The following DEUP1 variants were observed in gnomAD, a reference collection of about 807,000 sequenced individuals.
DEUP1 encodes the protein coiled-coil domain containing 67.
A neutral mutation model predicts 87.4 loss-of-function variants in DEUP1; 82 were observed. That is an observed-to-expected ratio of 0.94 (90% CI 0.78 to 1.13). DEUP1 has a LOEUF of 1.13. Ranked by LOEUF, DEUP1 falls within the 50% of genes most tolerant of loss-of-function variation. The pLI is 0.00. For missense variants in DEUP1, 663 were observed against 681.5 expected (o/e 0.97, Z 0.30); for synonymous variants, 214 against 222.7 (o/e 0.96, Z 0.35).
At chr11:93,392,951 TCCTCTTCCTCCTCCTCTTCC>T (rs1331994085) in intron 9 of DEUP1, among the ~76,000 whole-genome samples, 1 of 103,078 alleles carries the variant, frequency 9.7e-6, no homozygotes, top group East Asian at 3.4e-4. Flanking sequence ...TCCTCCTCCC[TCCTCTTCCTCCTCCTCTTCC>T]TCCTCCTCCG....
At position 93,372,118 on chromosome 11, in the gene DEUP1, CG is replaced by C. The variant is rs1945764792; in HGVS notation, c.789+842del. ...TAATTTTTTGTATTTTTAGTAGAGA[CG>C]GGGTTTCACCGTTTTAGCCGGGATG... On this transcript the variant is annotated intron_variant, in intron 7 of 13. Transcript: ENST00000298050. Among the ~76,000 whole-genome samples the C allele has an allele frequency of 7.9e-5, 12 of 151,738 alleles. No homozygotes were observed. The South Asian group carries it at 2.3e-3, about 29-fold the overall frequency.
At chr11:93,363,546 A>G (rs1318942268) in intron 4 of DEUP1, among the ~76,000 whole-genome samples, 1 of 151,840 alleles carries the variant, frequency 6.6e-6, no homozygotes, top group African/African-American at 2.4e-5. Flanking sequence ...GAGTATAGAA[A>G]TTTCCTCACA....
intron 13 of DEUP1, among the ~76,000 whole-genome samples, chr11:93,434,445 C>T (rs571672965): frequency 3.3e-5 from 5 of 152,338 alleles, no homozygotes; most frequent in Middle Eastern, 3.4e-3. Context: ...AAAGATGCCT[C>T]AGAGGATCAT....
intron 2 of DEUP1, among the ~76,000 whole-genome samples, chr11:93,347,451 C>T (rs1049645791): frequency 5.9e-5 from 9 of 152,138 alleles, no homozygotes; most frequent in Non-Finnish European, 8.8e-5. Context: ...CATCTATGTT[C>T]ATCAAGGATA....
chr11:93,408,186 T>TTA, intron 11 of DEUP1, 45 bp from the exon 12 acceptor site: 1 of 1,337,664 alleles, frequency 7.5e-7, no homozygotes. Flanking sequence ...TATGCATTAC[T>TTA]TATAAGGGGC....
intron 13 of DEUP1, among the ~76,000 whole-genome samples, chr11:93,416,538 TA>T (rs1947636748): frequency 2.6e-5 from 4 of 151,788 alleles, no homozygotes; most frequent in Non-Finnish European, 4.4e-5. Context: ...CAATAATCAA[TA>T]GCTTACCAAC....
Position 93,373,957 on chromosome 11 carries a change from T to G in DEUP1, c.789+2677T>G, listed in dbSNP as rs184960547. On this transcript the variant is annotated intron_variant, in intron 7 of 13. Transcript: ENST00000298050. ...CCACAACCATACCAACATCTATTATTTTTTTGATTATGGCCAGTCTTGCAG... is the reference window on the plus strand; with the variant it reads ...CCACAACCATACCAACATCTATTATGTTTTTGATTATGGCCAGTCTTGCAG... Among the ~76,000 whole-genome samples the G allele has an allele frequency of 3.3e-3, 503 of 152,158 alleles. 1 individual carries two copies. The highest frequency in any genetic ancestry group is 0.011 in the African/African-American group (464 of 41,528).
At chr11:93,351,652 A>G (rs1944634366) in intron 2 of DEUP1, among the ~76,000 whole-genome samples, 1 of 152,238 alleles carries the variant, frequency 6.6e-6, no homozygotes, top group Non-Finnish European at 1.5e-5. Flanking sequence ...AGTTATTTAT[A>G]GAGGAATTAG....
chr11:93,334,355 G>A (rs1169292612), intron 2 of DEUP1, among the ~76,000 whole-genome samples: 3 of 152,170 alleles, frequency 2.0e-5, no homozygotes, highest in Admixed American at 2.0e-4. Flanking sequence ...CCTATTTAGA[G>A]TCTACTGTGA....
At chr11:93,365,740 A>C (rs1004729669) in intron 5 of DEUP1, among the ~76,000 whole-genome samples, 4 of 152,176 alleles carry the variant, frequency 2.6e-5, no homozygotes, top group Non-Finnish European at 5.9e-5. Flanking sequence ...GTTTTTAAAG[A>C]CTCTATGCAG....
chr11:93,363,598 G>T (rs1945280067), intron 4 of DEUP1, among the ~76,000 whole-genome samples: 1 of 151,656 alleles, frequency 6.6e-6, no homozygotes, highest in Non-Finnish European at 1.5e-5. Context: ...TTATTTGAAG[G>T]TAGAACAGGA....
At chr11:93,377,188 C>G (rs917611461) in intron 7 of DEUP1, among the ~76,000 whole-genome samples, 1 of 152,032 alleles carries the variant, frequency 6.6e-6, no homozygotes, top group South Asian at 2.1e-4. Context: ...GTCTTGATGA[C>G]CTGTCTAGTG....
chr11:93,352,185 G>A (rs991944689), intron 2 of DEUP1: 1 of 525,880 alleles, frequency 1.9e-6, no homozygotes, highest in Non-Finnish European at 3.4e-6. Context: ...TGTGGCACCT[G>A]CCTCTCCCTC....
At chr11:93,352,528 T>C in intron 2 of DEUP1, 1 of 622,810 alleles carries the variant, frequency 1.6e-6, no homozygotes, top group East Asian at 2.7e-5. Flanking sequence ...TGTGTATGAC[T>C]ATTAGTAACC....
At chr11:93,420,426 G>A (rs1482701300) in intron 13 of DEUP1, among the ~76,000 whole-genome samples, 5 of 152,136 alleles carry the variant, frequency 3.3e-5, no homozygotes, top group Non-Finnish European at 7.3e-5. Context: ...AATCATAAGA[G>A]CTATCTATGA....
At chr11:93,375,507 T>C (rs530801071) in intron 7 of DEUP1, among the ~76,000 whole-genome samples, 1 of 152,220 alleles carries the variant, frequency 6.6e-6, no homozygotes, top group East Asian at 1.9e-4. Context: ...ATGCTGGATT[T>C]TGTCACATAA....
At chr11:93,371,319 C>A in intron 7 of DEUP1, 39 bp downstream of exon 7, 1 of 1,580,696 alleles carries the variant, frequency 6.3e-7, no homozygotes, top group Non-Finnish European at 8.6e-7. Flanking sequence ...TTGTCCATGA[C>A]TTGTATAAAT....
chr11:93,393,258 G>A (rs774352374), intron 9 of DEUP1, among the ~76,000 whole-genome samples: 17 of 151,172 alleles, frequency 1.1e-4, no homozygotes, highest in Non-Finnish European at 2.4e-4. Flanking sequence ...ACCACACCCG[G>A]CTAATGTTTT....
chr11:93,341,487 A>C (rs1170353235), intron 2 of DEUP1, among the ~76,000 whole-genome samples: 2 of 152,350 alleles, frequency 1.3e-5, no homozygotes, highest in East Asian at 3.9e-4. Context: ...GCATGAAAAC[A>C]AACTAATACA....
Sources: gnomAD v4.1 joint callset for allele counts (sites outside exome capture counted in the v4.1 genomes callset) on GRCh38, gnomAD v4.1.1 for gene constraint, MANE v1.5 for transcripts, NCBI Gene and HGNC (gene_info 2026-07-23, HGNC 2026-07-21) for gene names.